Variants in TACC2 observed in about 807,000 individuals in gnomAD.
TACC2 encodes transforming acidic coiled-coil-containing protein 2.
A neutral mutation model predicts 227.3 loss-of-function variants in TACC2; 137 were observed. The ratio of observed to expected loss-of-function variants is 0.60; its 90% CI spans 0.52 to 0.69. The LOEUF (loss-of-function observed/expected upper bound fraction) is 0.69. Among genes scored for constraint, TACC2 ranks in the 30% least tolerant of loss-of-function variants. TACC2 has a pLI of 0.00. For synonymous variants in TACC2, 1,523 were observed against 1,487.5 expected, an observed-to-expected ratio of 1.02 and a Z score of -0.55; for missense variants, 3,470 against 3,694.4, an observed-to-expected ratio of 0.94 and a Z score of 1.57.
At chr10:122,012,567 A>G (rs1175390560) in intron 1 of TACC2, among the ~76,000 whole-genome samples, 2 of 152,096 alleles carry the variant, frequency 1.3e-5, no homozygotes, top group African/African-American at 4.8e-5. Context: ...CCTCCCAGTT[A>G]TTTTAATAGA....
chr10:122,040,430 A>G (rs2074110109), intron 2 of TACC2, among the ~76,000 whole-genome samples: 2 of 152,180 alleles, frequency 1.3e-5, no homozygotes, highest in African/African-American at 2.4e-5. Flanking sequence ...AATAAGGGCC[A>G]TGCCAGCCCA....
At chr10:122,081,434 A>C (rs539307005) in intron 3 of TACC2, among the ~76,000 whole-genome samples, 85 of 149,726 alleles carry the variant, frequency 5.7e-4, no homozygotes, top group Non-Finnish European at 7.7e-4. Flanking sequence ...AGGCTGAGGC[A>C]GGAGAATGGC....
chr10:122,097,174 G>A (rs1250216360), intron 5 of TACC2, among the ~76,000 whole-genome samples: 1 of 151,702 alleles, frequency 6.6e-6, no homozygotes, highest in African/African-American at 2.4e-5. Context: ...AAAAGAAAAA[G>A]AAAAATTAGC....
rs924989583 is a variant in TACC2, at chr10:122,050,296, A to C, written c.34-142A>C. The C allele has an allele frequency of 1.5e-6, 1 of 663,550 alleles. No individual in the cohort carries two copies. The highest frequency in any genetic ancestry group is 1.8e-5 in the African/African-American group (1 of 54,978). The allele number at this position is 663,550 out of a possible 1,614,324, so 41.1% of individuals were successfully genotyped here. A position where few individuals can be genotyped will look rare whatever the true frequency, so the allele number is the denominator to read the frequency against. On this transcript the variant is annotated intron_variant, in intron 2 of 22. Transcript: ENST00000369005. This position sits in a 1 kb window ranked among gnomAD's most constrained non-coding sequence, Gnocchi z 4.6. The stretch of plus-strand genomic sequence containing the variant: ...CTCAAGGCCTAGCTCAGTGCCGCAC[A>C]TAGTAGGTGTTTCGTTGGACGGCAG...
chr10:122,155,662 C>T (rs1212342550), intron 7 of TACC2, among the ~76,000 whole-genome samples: 3 of 152,142 alleles, frequency 2.0e-5, no homozygotes, highest in African/African-American at 4.8e-5. Flanking sequence ...TATTTGGCCA[C>T]GTGTCTGCTG....
intron 7 of TACC2, among the ~76,000 whole-genome samples, chr10:122,152,058 GGTATAAT>G (rs2092095878): frequency 6.6e-6 from 1 of 152,160 alleles, no homozygotes; most frequent in Non-Finnish European, 1.5e-5. Context: ...GGGCCAGAAG[GGTATAAT>G]TCCCCATGTG....
intron 2 of TACC2, 113 bp downstream of exon 2, chr10:122,022,127 C>A: frequency 9.7e-7 from 1 of 1,031,942 alleles, no homozygotes; most frequent in East Asian, 2.5e-5. Context: ...AAGACAGCTT[C>A]TGCGTAGATG....
intron 5 of TACC2, among the ~76,000 whole-genome samples, chr10:122,098,801 G>A (rs1249733719): frequency 6.6e-6 from 1 of 152,168 alleles, no homozygotes; most frequent in African/African-American, 2.4e-5. Context: ...CGTACATCTG[G>A]CCTGGATTTG....
chr10:122,075,701 T>C (rs950429988), intron 3 of TACC2, among the ~76,000 whole-genome samples: 21 of 151,828 alleles, frequency 1.4e-4, no homozygotes, highest in African/African-American at 5.1e-4. Context: ...TTATTTGAGT[T>C]GGCAGTTCTC....
chr10:122,083,155 C>G lies in TACC2; in HGVS notation c.655C>G (p.Gln219Glu), dbSNP rs1204226690. ...GGCACCGCTGTGTGGAGAGGGGGACCAGCCTGGTGGTTTTGAGTCCCAAGA... is the reference window on the plus strand; with the variant it reads ...GGCACCGCTGTGTGGAGAGGGGGACGAGCCTGGTGGTTTTGAGTCCCAAGA... ...MKAPLCGEGD[Q>E]PGGFESQEKE... Residue 219 changes from glutamine (Q) to glutamate (E), a missense_variant, in exon 4 of 23, where the codon CAG (glutamine) becomes GAG (glutamate). By Grantham distance (29) the Gln-to-Glu change is conservative. Transcript: ENST00000369005. 2 of 1,613,202 alleles carry G rather than the reference C, an allele frequency of 1.2e-6. No homozygotes were observed. The highest frequency in any genetic ancestry group is 4.5e-5 in the East Asian group (2 of 44,860).
chr10:122,226,917 G>T (rs1418649540), intron 13 of TACC2, among the ~76,000 whole-genome samples: 1 of 152,150 alleles, frequency 6.6e-6, no homozygotes, highest in Non-Finnish European at 1.5e-5. Flanking sequence ...GGACACTGTG[G>T]CCCAGCATTC....
intron 7 of TACC2, among the ~76,000 whole-genome samples, chr10:122,148,097 A>ATTTTT (rs1172285538): frequency 7.6e-6 from 1 of 131,444 alleles, no homozygotes; most frequent in Non-Finnish European, 1.6e-5. Flanking sequence ...CTGAGCCAGA[A>ATTTTT]TTTTTTTTTT....
chr10:122,229,554 C>A lies in TACC2; in HGVS notation c.8037+68C>A, dbSNP rs932965610. ...TCAGTAGAGAATGAACCCCCGAGGC[C>A]CAAATGAAATAAGGCAGGATTTGAT... On this transcript the variant is annotated intron_variant, in intron 15 of 22. Coordinates refer to ENST00000369005, the MANE Select transcript of TACC2 (RefSeq NM_206862.4). 25 of 1,569,074 alleles carry A rather than the reference C, an allele frequency of 1.6e-5. No individual in the cohort carries two copies. In the South Asian group the frequency reaches 2.7e-4, roughly 17 times the overall value.
intron 2 of TACC2, among the ~76,000 whole-genome samples, chr10:122,025,907 G>T (rs1197839997): frequency 2.6e-5 from 4 of 151,768 alleles, no homozygotes; most frequent in Admixed American, 2.6e-4. Flanking sequence ...AGAGTTTTCA[G>T]AGTTCTTTAT....
chr10:122,195,174 C>T lies in TACC2; in HGVS notation c.5969C>T (p.Pro1990Leu), dbSNP rs1177703431. The change falls in exon 8 of 23, where the codon CCA (proline) becomes CTA (leucine). Residue 1990 changes from proline (P) to leucine (L), a missense_variant and splice_region_variant. This residue lies in a region of TACC2 where 593 missense variants were observed against 636.6 expected (regional missense o/e 0.93). Coordinates refer to ENST00000369005, the MANE Select transcript of TACC2 (RefSeq NM_206862.4). ...AGCACACAGCCACCCCCGGAAGAAC[C>T]AGGTAACCAAGGGCAGGGAGGCCCC... The part of the protein sequence containing the change: ...EVSTQPPPEE[P>L]GCGSETVPVP... 1.2e-6 allele frequency: 2 copies of T among 1,607,930 alleles called. No homozygotes were observed.
At chr10:122,234,667 G>A (rs144046271) in intron 16 of TACC2, among the ~76,000 whole-genome samples, 2 of 152,222 alleles carry the variant, frequency 1.3e-5, no homozygotes, top group African/African-American at 2.4e-5. Flanking sequence ...GAAGGGGTCA[G>A]TGAACAGTCT....
intron 1 of TACC2, among the ~76,000 whole-genome samples, chr10:121,991,649 G>C (rs1953031794): frequency 6.6e-6 from 1 of 152,230 alleles, no homozygotes; most frequent in African/African-American, 2.4e-5. Context: ...CCGGTATACA[G>C]AGATGTCTGC....
intron 2 of TACC2, among the ~76,000 whole-genome samples, chr10:122,038,818 ATAAT>A (rs1393401598): frequency 6.6e-6 from 1 of 152,226 alleles, no homozygotes; most frequent in Non-Finnish European, 1.5e-5. Context: ...AAGAAAAAAA[ATAAT>A]TAAAACCATT....
chr10:122,168,865 C>G (rs761281158), intron 7 of TACC2, among the ~76,000 whole-genome samples: 3 of 152,216 alleles, frequency 2.0e-5, no homozygotes, highest in Non-Finnish European at 2.9e-5. Flanking sequence ...GCTGTTCTTG[C>G]AGATGGATTA....
Sources: gnomAD v4.1 joint callset for allele counts (sites outside exome capture counted in the v4.1 genomes callset) on GRCh38, gnomAD v4.1.1 for gene constraint, gnomAD v4.1.1 regional missense constraint, Gnocchi (gnomAD v3.1) non-coding constraint, MANE v1.5 for transcripts, NCBI Gene and HGNC (gene_info 2026-07-23, HGNC 2026-07-21) for gene names.